Variants in LIN9 observed in about 807,000 individuals in gnomAD.
LIN9 encodes lin-9 DREAM MuvB core complex component.
LIN9 carries 18 observed loss-of-function variants against 78.0 expected under a neutral mutation model. The observed-to-expected ratio is 0.23, with a 90% CI of 0.16 to 0.34. LIN9 has a LOEUF of 0.34. Among genes scored for constraint, LIN9 ranks in the 10% least tolerant of loss-of-function variants. The probability of loss-of-function intolerance (pLI) is 1.00; values close to 1 mark genes in which losing one functional copy is unlikely to be tolerated. For synonymous variants in LIN9, 192 were observed against 215.2 expected, an observed-to-expected ratio of 0.89 and a Z score of 0.94; for missense variants, 451 against 644.1, an observed-to-expected ratio of 0.70 and a Z score of 3.25.
chr1:226,262,319 C>T (rs961969654), intron 10 of LIN9, among the ~76,000 whole-genome samples: 4 of 152,040 alleles, frequency 2.6e-5, no homozygotes, highest in Non-Finnish European at 5.9e-5. Context: ...TGGTTAAAGA[C>T]ATTGTAAAGA....
chr1:226,260,047 T>C (rs1199064418), intron 10 of LIN9, among the ~76,000 whole-genome samples: 1 of 152,042 alleles, frequency 6.6e-6, no homozygotes, highest in Non-Finnish European at 1.5e-5. Context: ...GGACACAAAT[T>C]ATTAATTTCA....
At chr1:226,292,318 C>T (rs1661842584) in intron 4 of LIN9, among the ~76,000 whole-genome samples, 1 of 152,100 alleles carries the variant, frequency 6.6e-6, no homozygotes, top group Non-Finnish European at 1.5e-5. Context: ...GTGCACCACA[C>T]CCAGCTAATT....
rs1657415471 is a variant in LIN9 at position 226,232,681 on chromosome 1, A to G, written c.1524-75T>C. 3 of 794,324 alleles carry G rather than the reference A, an allele frequency of 3.8e-6. No homozygotes were observed. In the Admixed American group the frequency reaches 7.5e-5, roughly 20 times the overall value. 49.2% of individuals were successfully genotyped at this position (794,324 alleles called of 1,614,324 possible). ...AAAAAATTTTTAAAAGAAGACCTGA[A>G]TTTTAGTTAGGAAACAGCTATGATA... is the stretch of plus-strand genomic sequence containing the variant. On this transcript the variant is annotated intron_variant, in intron 14 of 14. Transcript: ENST00000681046.
intron 10 of LIN9, among the ~76,000 whole-genome samples, chr1:226,253,102 A>C (rs1658946022): frequency 6.6e-6 from 1 of 151,870 alleles, no homozygotes; most frequent in Non-Finnish European, 1.5e-5. Flanking sequence ...ATCTCTATGA[A>C]AAAGTAAAAA....
chr1:226,268,181 T>A, intron 7 of LIN9, 91 bp from the exon 8 acceptor site: 1 of 1,235,408 alleles, frequency 8.1e-7, no homozygotes, highest in Non-Finnish European at 1.1e-6. Context: ...TAAATCATAG[T>A]ACAGTATTTT....
intron 7 of LIN9, 148 bp downstream of exon 7, chr1:226,277,627 G>T: frequency 1.5e-6 from 1 of 677,574 alleles, no homozygotes; most frequent in Non-Finnish European, 2.4e-6. Context: ...GAGAGTTGAG[G>T]GATAGGGATA....
intron 4 of LIN9, among the ~76,000 whole-genome samples, chr1:226,288,266 C>T (rs1272745983): frequency 1.3e-5 from 2 of 152,136 alleles, no homozygotes; most frequent in African/African-American, 4.8e-5. Context: ...GCCACAGCGC[C>T]CAGCTTAGAT....
At chr1:226,301,335 C>T in intron 1 of LIN9, 130 bp from the exon 2 acceptor site, 1 of 608,454 alleles carries the variant, frequency 1.6e-6, no homozygotes, top group Non-Finnish European at 2.9e-6. Flanking sequence ...GTGGAATGTG[C>T]AATTCGAAAT....
intron 2 of LIN9, 27 bp from the exon 3 acceptor site, chr1:226,297,840 A>C (rs965876364): frequency 7.2e-7 from 1 of 1,390,546 alleles, no homozygotes; most frequent in African/African-American, 1.4e-5. Flanking sequence ...ATACTAATGG[A>C]ATTTTGGCTT....
At chr1:226,235,322 CAAAAA>C (rs375690849) in intron 12 of LIN9, among the ~76,000 whole-genome samples, 7 of 59,682 alleles carry the variant, frequency 1.2e-4, no homozygotes, top group African/African-American at 1.8e-4. Context: ...AAATCCGTCT[CAAAAA>C]AAAAAAAAAA....
chr1:226,232,664 T>A, intron 14 of LIN9, 58 bp from the exon 15 acceptor site: 2 of 1,114,192 alleles, frequency 1.8e-6, no homozygotes, highest in South Asian at 3.0e-5. Flanking sequence ...GAAAAAAATT[T>A]TTAAAAGAAG....
At chr1:226,241,782 C>T (rs546239493) in intron 11 of LIN9, among the ~76,000 whole-genome samples, 80 of 151,956 alleles carry the variant, frequency 5.3e-4, no homozygotes, top group African/African-American at 1.7e-3. Flanking sequence ...GGCATGAACC[C>T]GCGAGGTGGA....
At chr1:226,299,260 T>C (rs1001345217) in intron 2 of LIN9, among the ~76,000 whole-genome samples, 7 of 152,088 alleles carry the variant, frequency 4.6e-5, no homozygotes, top group African/African-American at 1.2e-4. Flanking sequence ...TCCCAGCACA[T>C]TGGGAGGCCA....
At chr1:226,238,525 T>C (rs990275761) in intron 12 of LIN9, among the ~76,000 whole-genome samples, 11 of 151,678 alleles carry the variant, frequency 7.3e-5, no homozygotes, top group African/African-American at 2.4e-4. Flanking sequence ...GAGGCTGAGG[T>C]TGGGGGATAG....
chr1:226,235,322 CAAAAAAAA>C (rs375690849), intron 12 of LIN9, among the ~76,000 whole-genome samples: 3 of 59,694 alleles, frequency 5.0e-5, no homozygotes, highest in Admixed American at 2.3e-4. Context: ...AAATCCGTCT[CAAAAAAAA>C]AAAAAAAAAA....
chr1:226,239,231 G>A (rs1434943393), intron 11 of LIN9, 135 bp from the exon 12 acceptor site: 6 of 825,844 alleles, frequency 7.3e-6, no homozygotes. Context: ...AATTGTTATA[G>A]TCTTGTCTGT....
chr1:226,242,786 C>T (rs186822013), intron 11 of LIN9, among the ~76,000 whole-genome samples: 27 of 152,244 alleles, frequency 1.8e-4, no homozygotes, highest in Non-Finnish European at 3.7e-4. Context: ...ACAGCAAAAC[C>T]AACCCCTCCA....
chr1:226,271,795 TA>T (rs1660291917), intron 7 of LIN9, among the ~76,000 whole-genome samples: 1 of 152,204 alleles, frequency 6.6e-6, no homozygotes, highest in Non-Finnish European at 1.5e-5. Flanking sequence ...TATACATACA[TA>T]ATATTAGGAT....
chr1:226,287,463 A>T (rs1661444346), intron 5 of LIN9, among the ~76,000 whole-genome samples: 1 of 152,238 alleles, frequency 6.6e-6, no homozygotes, highest in African/African-American at 2.4e-5. Flanking sequence ...ACAAAAATGT[A>T]CAGTTTTCTT....
Sources: gnomAD v4.1 joint callset for allele counts (sites outside exome capture counted in the v4.1 genomes callset) on GRCh38, gnomAD v4.1.1 for gene constraint, MANE v1.5 for transcripts, NCBI Gene and HGNC (gene_info 2026-07-23, HGNC 2026-07-21) for gene names.